Variants in LGR5 observed in about 807,000 individuals in gnomAD.
The protein encoded by LGR5 is leucine-rich repeat-containing G protein-coupled receptor 5.
A neutral mutation model predicts 76.7 loss-of-function variants in LGR5; 54 were observed. The observed-to-expected ratio is 0.70, with a 90% CI of 0.57 to 0.88. The LOEUF is 0.88. Among genes scored for constraint, LGR5 ranks in the 40% least tolerant of loss-of-function variants. The pLI is 0.00. For missense variants in LGR5, 1,078 were observed against 1,073.3 expected (o/e 1.00, Z -0.06); for synonymous variants, 406 against 421.9 (o/e 0.96, Z 0.46).
At chr12:71,566,014 A>AT (rs760021760) in intron 8 of LGR5, among the ~76,000 whole-genome samples, 1 of 152,122 alleles carries the variant, frequency 6.6e-6, no homozygotes, top group Non-Finnish European at 1.5e-5. Flanking sequence ...ATATCGATAG[A>AT]TAGACTTCGT....
intron 1 of LGR5, among the ~76,000 whole-genome samples, chr12:71,471,921 A>G (rs560315658): frequency 1.3e-5 from 2 of 152,366 alleles, no homozygotes; most frequent in African/African-American, 4.8e-5. Flanking sequence ...AAAACAACAT[A>G]TTCTAACATA....
At chr12:71,533,586 G>C (rs571095625) in intron 3 of LGR5, among the ~76,000 whole-genome samples, 161 of 152,192 alleles carry the variant, frequency 1.1e-3, no homozygotes, top group Admixed American at 3.9e-3. Flanking sequence ...ACAACCAATG[G>C]CATAGAGTTT....
intron 1 of LGR5, chr12:71,448,764 T>A (rs1872128087): frequency 6.6e-6 from 1 of 152,262 alleles, no homozygotes; most frequent in South Asian, 2.1e-4. Flanking sequence ...ACAATAAACA[T>A]TTATTTCACA....
At chr12:71,474,203 A>T (rs1873226345) in intron 1 of LGR5, among the ~76,000 whole-genome samples, 1 of 152,178 alleles carries the variant, frequency 6.6e-6, no homozygotes, top group African/African-American at 2.4e-5. Context: ...TCAACTAATA[A>T]CCCAAAAAAC....
At chr12:71,507,733 T>TTCTCTCTCTC (rs151033755) in intron 2 of LGR5, among the ~76,000 whole-genome samples, 1 of 150,092 alleles carries the variant, frequency 6.7e-6, no homozygotes, top group African/African-American at 2.4e-5. Flanking sequence ...AACTCTCTCT[T>TTCTCTCTCTC]TCTCTCTCTC....
chr12:71,536,398 A>C (rs1876586902), intron 4 of LGR5, among the ~76,000 whole-genome samples: 1 of 152,234 alleles, frequency 6.6e-6, no homozygotes, highest in South Asian at 2.1e-4. Context: ...CTCCAGTCAA[A>C]CAAAGTGACT....
intron 12 of LGR5, 99 bp from the exon 13 acceptor site, chr12:71,572,751 T>G (rs1878670334): frequency 1.2e-6 from 1 of 812,044 alleles, no homozygotes; most frequent in Admixed American, 2.1e-5. Flanking sequence ...TGTGTTCCTT[T>G]GATTAAGGGC....
At chr12:71,504,776 C>T in intron 2 of LGR5, 91 bp downstream of exon 2, 3 of 1,111,682 alleles carry the variant, frequency 2.7e-6, no homozygotes, top group Admixed American at 1.7e-5. Flanking sequence ...CCAGATAAAA[C>T]AAGGCAGAAA....
intron 16 of LGR5, among the ~76,000 whole-genome samples, chr12:71,581,323 C>T (rs959572156): frequency 3.9e-5 from 6 of 152,314 alleles, no homozygotes; most frequent in African/African-American, 7.2e-5. Flanking sequence ...TGAATTAAGA[C>T]GTTACCTAAA....
intron 2 of LGR5, among the ~76,000 whole-genome samples, chr12:71,513,530 T>C (rs1592503863): frequency 6.6e-6 from 1 of 152,316 alleles, no homozygotes; most frequent in African/African-American, 2.4e-5. Flanking sequence ...TCTGTGAACT[T>C]TTCTACATAG....
At chr12:71,449,336 A>T (rs1391648233) in intron 1 of LGR5, among the ~76,000 whole-genome samples, 1 of 152,226 alleles carries the variant, frequency 6.6e-6, no homozygotes, top group Non-Finnish European at 1.5e-5. Flanking sequence ...ATCTTAACTC[A>T]TGCGCAGCCC....
At chr12:71,552,796 G>A (rs753179889) in intron 4 of LGR5, among the ~76,000 whole-genome samples, 4 of 152,034 alleles carry the variant, frequency 2.6e-5, no homozygotes, top group Non-Finnish European at 5.9e-5. Context: ...CCTCAGGGGA[G>A]GCCACTTCCA....
At chr12:71,562,485 G>T (rs961668783) in intron 8 of LGR5, among the ~76,000 whole-genome samples, 1 of 152,174 alleles carries the variant, frequency 6.6e-6, no homozygotes, top group African/African-American at 2.4e-5. Context: ...CAATGCAGGA[G>T]GATCACTTGA....
rs867748102 is a variant in LGR5, at chr12:71,553,182, C to A, written c.538C>A (p.Gln180Lys). The part of the protein sequence containing the change: ...DDNALTEIPV[Q>K]AFRSLSALQA... ...CAATGCGTTAACAGAAATCCCCGTC[C>A]AGGCTTTTAGAAGTTTATCGGCATT... The change falls in exon 5 of 18, where the codon CAG becomes AAG. Residue 180 changes from glutamine to lysine, a missense_variant. Coordinates refer to ENST00000266674, the MANE Select transcript of LGR5 (RefSeq NM_003667.4). 5 of 1,614,044 alleles carry A rather than the reference C, an allele frequency of 3.1e-6. No individual in the cohort carries two copies. In the Middle Eastern group the frequency reaches 8.2e-4, roughly 266 times the overall value.
intron 11 of LGR5, among the ~76,000 whole-genome samples, chr12:71,569,696 T>C (rs1878513756): frequency 1.3e-5 from 2 of 152,222 alleles, no homozygotes; most frequent in Non-Finnish European, 2.9e-5. Context: ...AGGAATGCTT[T>C]TACACTGTTG....
At chr12:71,538,896 A>T (rs928821641) in intron 4 of LGR5, among the ~76,000 whole-genome samples, 1 of 152,162 alleles carries the variant, frequency 6.6e-6, no homozygotes, top group Non-Finnish European at 1.5e-5. Context: ...TAATAACAAA[A>T]TCCATACTTT....
intron 1 of LGR5, among the ~76,000 whole-genome samples, chr12:71,503,915 A>G (rs1422237540): frequency 6.6e-6 from 1 of 152,216 alleles, no homozygotes; most frequent in African/African-American, 2.4e-5. Flanking sequence ...AAATGTAATT[A>G]CACAGAGTTT....
At chr12:71,530,131 A>AT (rs137976913) in intron 3 of LGR5, among the ~76,000 whole-genome samples, 1,654 of 152,158 alleles carry the variant, frequency 0.011, 19 homozygotes, top group East Asian at 0.047. Context: ...AAGTATATTG[A>AT]TTTTTTCTTT....
At chr12:71,477,555 T>G (rs904414293) in intron 1 of LGR5, among the ~76,000 whole-genome samples, 2 of 151,360 alleles carry the variant, frequency 1.3e-5, no homozygotes, top group Admixed American at 1.3e-4. Flanking sequence ...TAGAATAAAA[T>G]TTTTAAAAAG....
Sources: allele counts gnomAD v4.1 joint callset (sites outside exome capture counted in the v4.1 genomes callset), GRCh38; gene constraint gnomAD v4.1.1; transcripts MANE v1.5; gene names NCBI Gene and HGNC (gene_info 2026-07-23, HGNC 2026-07-21).